ADGRL1: variants seen among roughly 807,000 people sequenced by gnomAD.
ADGRL1 encodes CIRL-1.
Under a neutral mutation model 148.9 loss-of-function variants are expected in ADGRL1, and 31 were observed. The ratio of observed to expected loss-of-function variants is 0.21; its 90% confidence interval spans 0.16 to 0.28. The LOEUF (loss-of-function observed/expected upper bound fraction) is 0.28, where lower values mean the gene tolerates loss of function less well. Among genes scored for constraint, ADGRL1 ranks in the 10% least tolerant of loss-of-function variants. ADGRL1 has a pLI of 1.00. For synonymous variants in ADGRL1, 937 were observed against 900.3 expected (o/e 1.04, Z -0.73); for missense variants, 1,521 against 2,058.8 (o/e 0.74, Z 5.05).
intron 4 of ADGRL1, 99 bp downstream of exon 4, chr19:14,170,583 C>A: frequency 1.4e-6 from 1 of 702,396 alleles, no homozygotes; most frequent in South Asian, 1.7e-5. Context: ...GTGCCCAGGC[C>A]CCATGCATGT....
intron 4 of ADGRL1, 59 bp from the exon 5 acceptor site, chr19:14,163,465 G>GGACA: frequency 2.9e-6 from 2 of 700,936 alleles, no homozygotes; most frequent in Non-Finnish European, 4.3e-6. Flanking sequence ...GCGAGAGGGA[G>GGACA]GAGAGAGAGA....
chr19:14,158,131 C>G lies in ADGRL1; in HGVS notation c.2365-79G>C. On this transcript the variant is annotated intron_variant, in intron 12 of 22. Coordinates refer to ENST00000361434, the MANE Select transcript of ADGRL1 (RefSeq NM_014921.5). ...CATTCCGACCCCCCACACCTGGCAA[C>G]AGGGATGGTACCAAGTATCAAAGAA... is the stretch of plus-strand genomic sequence containing the variant. 2.0e-6 allele frequency: 3 copies of G among 1,468,356 alleles called. No homozygotes were observed. In the East Asian group the frequency reaches 6.8e-5, roughly 33 times the overall value. 91.0% of individuals were successfully genotyped at this position (1,468,356 alleles called of 1,614,324 possible).
chr19:14,189,493 G>A (rs1485869621), intron 1 of ADGRL1, among the ~76,000 whole-genome samples: 1 of 152,182 alleles, frequency 6.6e-6, no homozygotes, highest in East Asian at 1.9e-4. Flanking sequence ...GCCTCGTAAA[G>A]TGCTGGGATT....
At chr19:14,158,599 G>C (rs377098304) in intron 11 of ADGRL1, 47 bp from the exon 12 acceptor site, 9 of 1,494,076 alleles carry the variant, frequency 6.0e-6, no homozygotes, top group Non-Finnish European at 8.4e-6. Flanking sequence ...CTCAGCTGGC[G>C]CACCTCCATC....
At chr19:14,180,216 G>C (rs1042486879) in intron 2 of ADGRL1, among the ~76,000 whole-genome samples, 2 of 152,034 alleles carry the variant, frequency 1.3e-5, no homozygotes, top group Non-Finnish European at 2.9e-5. Context: ...TCCATGCATG[G>C]AACTTTCTTG....
At chr19:14,151,890 G>C (rs1968235550) in intron 22 of ADGRL1, among the ~76,000 whole-genome samples, 1 of 152,172 alleles carries the variant, frequency 6.6e-6, no homozygotes, top group South Asian at 2.1e-4. Context: ...TCAGCAGTGT[G>C]AGGAGGCCTG....
chr19:14,160,061 T>A lies in ADGRL1; in HGVS notation c.1800+51A>T. The A allele has an allele frequency of 7.2e-6, 11 of 1,524,818 alleles. No homozygotes were observed. Among genetic ancestry groups the A allele is most frequent in the Non-Finnish European group, 9.7e-6 (11 of 1,132,144 alleles). The allele number at this position is 1,524,818 out of a possible 1,614,324, so 94.5% of individuals were successfully genotyped here. On this transcript the variant is annotated intron_variant, in intron 8 of 22. Transcript: ENST00000361434. The surrounding 1 kb of genome is among the most constrained non-coding windows in gnomAD (Gnocchi z 5.9). ...CCAGGTCAGGTACTTCCCAAGCCCC[T>A]GGGGGCAGGCGCCCTCCCCATACCA...
chr19:14,171,149 C>A, intron 3 of ADGRL1: 1 of 210,586 alleles, frequency 4.7e-6, no homozygotes, highest in South Asian at 7.0e-5. Context: ...GCCTGCTTCC[C>A]CTTCACCTTC....
intron 1 of ADGRL1, among the ~76,000 whole-genome samples, chr19:14,202,703 C>G (rs1175691886): frequency 1.3e-5 from 2 of 152,054 alleles, no homozygotes; most frequent in Non-Finnish European, 2.9e-5. Flanking sequence ...GTGCACCCAG[C>G]CTTGCTCCAA....
intron 1 of ADGRL1, among the ~76,000 whole-genome samples, chr19:14,202,465 C>A (rs1188411860): frequency 6.6e-6 from 1 of 151,990 alleles, no homozygotes; most frequent in African/African-American, 2.4e-5. Flanking sequence ...GTTGGCCAGG[C>A]TGGTCTCGAG....
At position 14,159,303 on chromosome 19, in the gene ADGRL1, A is replaced by C; in HGVS notation, c.2024-88T>G. On this transcript the variant is annotated intron_variant, in intron 10 of 22. Transcript: ENST00000361434. This position sits in a 1 kb window ranked among gnomAD's most constrained non-coding sequence, Gnocchi z 6.0. ...GGCTGCAGAACGAGACTCTGGCAAG[A>C]TGCCCAAGGGTCGGATAGCCCCCCT... 6.3e-7 allele frequency: 1 copy of C among 1,578,964 alleles called. No homozygotes were observed.
In ADGRL1 at chr19:14,177,736, G is replaced by A. The variant is rs1483913563; in HGVS notation, c.79C>T (p.Arg27Trp). 5.0e-6 allele frequency: 8 copies of A among 1,611,068 alleles called. No homozygotes were observed. The highest frequency in any genetic ancestry group is 6.8e-6 in the Non-Finnish European group (8 of 1,179,548). ...LVTSATQGLS[R>W]AGLPFGLMRR... The stretch of plus-strand genomic sequence containing the variant: ...ATCAGCCCGAACGGGAGCCCGGCCC[G>A]GCTCAGGCCTGCAGGGAGGGTTGGG... The change falls in exon 3 of 23, where the codon CGG (arginine) becomes TGG (tryptophan). Residue 27 changes from arginine (R) to tryptophan (W), a missense_variant. Transcript: ENST00000361434.
intron 1 of ADGRL1, among the ~76,000 whole-genome samples, chr19:14,194,664 T>C (rs915375627): frequency 2.0e-5 from 3 of 152,166 alleles, no homozygotes; most frequent in Admixed American, 6.5e-5. Context: ...CAGGTTGGGC[T>C]TGGTGAGCTG....
rs772963868 is a variant in ADGRL1, at chr19:14,152,779, G to C, written c.3423+5C>G. ...AGCCCCAGGGAGTCCTGTCTGGCCC[G>C]ATACCTGGGTCCCTGTGTAGTAGCG... On this transcript the variant is annotated splice_donor_5th_base_variant and intron_variant, in intron 19 of 22. Transcript: ENST00000361434. This position sits in a 1 kb window ranked among gnomAD's most constrained non-coding sequence, Gnocchi z 6.1. 23 of 1,613,842 alleles carry C rather than the reference G, an allele frequency of 1.4e-5. No individual in the cohort carries two copies. The highest frequency in any genetic ancestry group is 3.3e-4 in the Middle Eastern group (2 of 6,084).
chr19:14,151,653 G>A (rs774597875), intron 22 of ADGRL1, 38 bp from the exon 23 acceptor site: 6 of 1,543,698 alleles, frequency 3.9e-6, no homozygotes, highest in Non-Finnish European at 5.2e-6. Flanking sequence ...TTGAAGAGGG[G>A]CCCTGGATGC....
At chr19:14,205,279 C>G (rs1972912215) in intron 1 of ADGRL1, among the ~76,000 whole-genome samples, 1 of 151,992 alleles carries the variant, frequency 6.6e-6, no homozygotes, top group Non-Finnish European at 1.5e-5. Context: ...CCTCAAAGCA[C>G]GAATAATCCG....
chr19:14,179,466 C>T (rs938450317), intron 2 of ADGRL1, among the ~76,000 whole-genome samples: 2 of 151,956 alleles, frequency 1.3e-5, no homozygotes, highest in East Asian at 1.9e-4. Context: ...TGCACTACAG[C>T]CTGGGCGACA....
chr19:14,174,922 G>A (rs913987063), intron 3 of ADGRL1, among the ~76,000 whole-genome samples: 1 of 148,666 alleles, frequency 6.7e-6, no homozygotes, highest in Non-Finnish European at 1.5e-5. Flanking sequence ...GCTCATTGAA[G>A]CCTCAAACTC....
chr19:14,190,962 C>T, intron 1 of ADGRL1: 1 of 397,606 alleles, frequency 2.5e-6, no homozygotes, highest in East Asian at 7.3e-5. Context: ...ATGGCGGGGA[C>T]CTGTAATCTC....
Sources: gnomAD v4.1 joint callset for allele counts (sites outside exome capture counted in the v4.1 genomes callset) on GRCh38, gnomAD v4.1.1 for gene constraint, Gnocchi (gnomAD v3.1) non-coding constraint, MANE v1.5 for transcripts, NCBI Gene and HGNC (gene_info 2026-07-23, HGNC 2026-07-21) for gene names.